The following FSBP variants were observed in gnomAD, a reference collection of about 807,000 sequenced individuals.
FSBP encodes the protein fibrinogen silencer binding protein.
Under a neutral mutation model 24.6 loss-of-function variants are expected in FSBP, and 18 were observed. The ratio of observed to expected loss-of-function variants is 0.73; its 90% confidence interval spans 0.51 to 1.08. The LOEUF (loss-of-function observed/expected upper bound fraction) is 1.08, where lower values mean the gene tolerates loss of function less well. Ranked by LOEUF, FSBP falls within the 50% of genes least tolerant of loss-of-function variation. The probability of loss-of-function intolerance (pLI) is 0.00; values close to 1 mark genes in which losing one functional copy is unlikely to be tolerated. For synonymous variants in FSBP, 110 were observed against 125.8 expected (o/e 0.87, Z 0.84); for missense variants, 305 against 347.6 (o/e 0.88, Z 0.98).
rs867303586 is a variant in FSBP, at chr8:94,430,209, G to A, written c.*1922C>T. 1.5e-5 allele frequency: 10 copies of A among 680,260 alleles called. No individual in the cohort carries two copies. Among genetic ancestry groups the A allele is most frequent in the African/African-American group, 9.8e-5 (5 of 50,964 alleles). 42.1% of individuals were successfully genotyped at this position (680,260 alleles called of 1,614,324 possible). A position where few individuals can be genotyped will look rare whatever the true frequency, so the allele number is the denominator to read the frequency against. ...GCCTGTAGTCCCAGCTACTTGGGAA[G>A]CTGAAGCAGGAGAATCGCTTGAACC... is the stretch of plus-strand genomic sequence containing the variant. On this transcript the variant is annotated 3_prime_UTR_variant, in exon 2 of 2. Transcript: ENST00000481490.
chr8:94,436,440 G>A, intron 1 of FSBP, 55 bp downstream of exon 1: 1 of 1,473,994 alleles, frequency 6.8e-7, no homozygotes, highest in Non-Finnish European at 8.9e-7. Flanking sequence ...CTAAGCCAAA[G>A]CCCAATAGAT....
At position 94,430,183 on chromosome 8, in the gene FSBP, C is replaced by T. The variant is rs937171353; in HGVS notation, c.*1948G>A. ...AAAAAATTAGCCAGGCATGGTGGTG[C>T]GCCTGTAGTCCCAGCTACTTGGGAA... On this transcript the variant is annotated 3_prime_UTR_variant, in exon 2 of 2. Transcript: ENST00000481490. The T allele has an allele frequency of 3.4e-6, 2 of 592,448 alleles. No homozygotes were observed. The highest frequency in any genetic ancestry group is 4.2e-6 in the Non-Finnish European group (2 of 471,608). 36.7% of individuals were successfully genotyped at this position (592,448 alleles called of 1,614,324 possible).
At chr8:94,434,647 GATT>G (rs944862987) in intron 1 of FSBP, among the ~76,000 whole-genome samples, 3 of 151,380 alleles carry the variant, frequency 2.0e-5, no homozygotes, top group African/African-American at 7.3e-5. Flanking sequence ...AAACTTCTGA[GATT>G]ATTAAGATTC....
chr8:94,432,397 T>G lies in FSBP; in HGVS notation c.634A>C (p.Arg212=). 1.3e-6 allele frequency: 2 copies of G among 1,550,402 alleles called. No individual in the cohort carries two copies. Among genetic ancestry groups the G allele is most frequent in the Non-Finnish European group, 1.7e-6 (2 of 1,146,882 alleles). ...TCATGCCGAAAAAAATCATCTCTCCTTGGAATAGAAGATGGAGACGATGTC... is the reference window on the plus strand; with the variant it reads ...TCATGCCGAAAAAAATCATCTCTCCGTGGAATAGAAGATGGAGACGATGTC... ...RMTSSPSSIP[R]RDDFFRHESG... is the part of the protein sequence containing the mutation. Residue 212 remains arginine (R), a synonymous_variant, in exon 2 of 2, where the codon AGG becomes CGG. Coordinates refer to ENST00000481490, the MANE Select transcript of FSBP (RefSeq NM_001256141.2).
At position 94,428,750 on chromosome 8, in the gene FSBP, G is replaced by A. The variant is rs1042475939; in HGVS notation, c.*3381C>T. ...GCCAAGTGTACATTCCATTGTACTAGCAAACTTTCCCCTATATATTCCCCT... is the reference window on the plus strand; with the variant it reads ...GCCAAGTGTACATTCCATTGTACTAACAAACTTTCCCCTATATATTCCCCT... On this transcript the variant is annotated 3_prime_UTR_variant, in exon 2 of 2. Coordinates refer to ENST00000481490, the MANE Select transcript of FSBP (RefSeq NM_001256141.2). 1.0e-6 allele frequency: 1 copy of A among 984,848 alleles called. No homozygotes were observed. The highest frequency in any genetic ancestry group is 6.2e-5 in the Admixed American group (1 of 16,256). 61.0% of individuals were successfully genotyped at this position (984,848 alleles called of 1,614,324 possible). A position where few individuals can be genotyped will look rare whatever the true frequency, so the allele number is the denominator to read the frequency against.
Position 94,436,621 on chromosome 8 carries a change from A to G in FSBP, c.248T>C (p.Leu83Pro). 6.4e-7 allele frequency: 1 copy of G among 1,550,486 alleles called. No individual in the cohort carries two copies. The highest frequency in any genetic ancestry group is 8.7e-7 in the Non-Finnish European group (1 of 1,146,930). The change falls in exon 1 of 2, where the codon CTA (leucine) becomes CCA (proline). Residue 83 changes from leucine (L) to proline (P), a missense_variant. Physicochemically the swap from Leu to Pro is moderately conservative, Grantham distance 98. Coordinates refer to ENST00000481490, the MANE Select transcript of FSBP (RefSeq NM_001256141.2). Reference protein sequence around the residue: ...KRLKEYAKQELLQQKETQSDF... With the variant: ...KRLKEYAKQEPLQQKETQSDF... ...TGATTGGGTCTCTTTTTGCTGCAATAGCTCCTGTTTGGCATATTCTTTGAG... is the reference window on the plus strand; with the variant it reads ...TGATTGGGTCTCTTTTTGCTGCAATGGCTCCTGTTTGGCATATTCTTTGAG...
At position 94,429,091 on chromosome 8, in the gene FSBP, T is replaced by C. The variant is rs989664926; in HGVS notation, c.*3040A>G. 9 of 985,246 alleles carry C rather than the reference T, an allele frequency of 9.1e-6. No individual in the cohort carries two copies. The highest frequency in any genetic ancestry group is 1.1e-5 in the Non-Finnish European group (9 of 829,874). 61.0% of individuals were successfully genotyped at this position (985,246 alleles called of 1,614,324 possible). A position where few individuals can be genotyped will look rare whatever the true frequency, so the allele number is the denominator to read the frequency against. On this transcript the variant is annotated 3_prime_UTR_variant, in exon 2 of 2. Transcript: ENST00000481490. ...AAGACTGACTTGGAGAAAAACAAGA[T>C]TGACTTGGAAAAGTTGCTGCAGTAA...
rs1324051141 is a variant in FSBP, at chr8:94,432,080, A to C, written c.*51T>G. 6.7e-7 allele frequency: 1 copy of C among 1,487,376 alleles called. No individual in the cohort carries two copies. Among genetic ancestry groups the C allele is most frequent in the Non-Finnish European group, 8.9e-7 (1 of 1,122,196 alleles). The allele number at this position is 1,487,376 out of a possible 1,614,324, so 92.1% of individuals were successfully genotyped here. ...CTGTTTCAGGATATTCCCAAATTAA[A>C]GTAATTTGGCCAAAATCAAAATTAT... On this transcript the variant is annotated 3_prime_UTR_variant, in exon 2 of 2. Transcript: ENST00000481490.
At chr8:94,435,536 G>A (rs757776909) in intron 1 of FSBP, among the ~76,000 whole-genome samples, 8 of 151,980 alleles carry the variant, frequency 5.3e-5, no homozygotes, top group African/African-American at 1.7e-4. Flanking sequence ...AACTAACAAG[G>A]AGTTTACAAT....
intron 1 of FSBP, among the ~76,000 whole-genome samples, chr8:94,436,001 ATT>A (rs1812247514): frequency 6.6e-6 from 1 of 152,086 alleles, no homozygotes; most frequent in African/African-American, 2.4e-5. Flanking sequence ...TTACTTATTG[ATT>A]TTGTTTATAT....
Position 94,431,289 on chromosome 8 carries a change from T to C in FSBP, c.*842A>G, listed in dbSNP as rs910289228. ...CATTCAAAATGAATTAAGACATGTC[T>C]TTAAATCACACAGCCAAAATATATA... On this transcript the variant is annotated 3_prime_UTR_variant, in exon 2 of 2. Coordinates refer to ENST00000481490, the MANE Select transcript of FSBP (RefSeq NM_001256141.2). 7 of 976,288 alleles carry C rather than the reference T, an allele frequency of 7.2e-6. No individual in the cohort carries two copies. The African/African-American group carries it at 1.2e-4, about 17-fold the overall frequency. The allele number at this position is 976,288 out of a possible 1,614,324, so 60.5% of individuals were successfully genotyped here.
chr8:94,428,965 G>A lies in FSBP; in HGVS notation c.*3166C>T, dbSNP rs1306092920. ...CAAATAAATAATTTTCTTTATACAGGAATTCTCATAAACTATACTATGTTA... is the reference window on the plus strand; with the variant it reads ...CAAATAAATAATTTTCTTTATACAGAAATTCTCATAAACTATACTATGTTA... On this transcript the variant is annotated 3_prime_UTR_variant, in exon 2 of 2. Transcript: ENST00000481490. 1.0e-6 allele frequency: 1 copy of A among 982,464 alleles called. No homozygotes were observed. The highest frequency in any genetic ancestry group is 1.7e-5 in the African/African-American group (1 of 57,150). 60.9% of individuals were successfully genotyped at this position (982,464 alleles called of 1,614,324 possible).
rs1434863221 is a variant in FSBP at position 94,429,308 on chromosome 8, G to A, written c.*2823C>T. 6.9e-6 allele frequency: 3 copies of A among 436,482 alleles called. No individual in the cohort carries two copies. Among genetic ancestry groups the A allele is most frequent in the Non-Finnish European group, 9.1e-6 (3 of 328,892 alleles). The allele number at this position is 436,482 out of a possible 1,614,324, so 27.0% of individuals were successfully genotyped here. The stretch of plus-strand genomic sequence containing the variant: ...TTATGGGCAGCAAAGGAATTTTCAA[G>A]GGCTATTTTGTATATACATAATTTT... On this transcript the variant is annotated 3_prime_UTR_variant, in exon 2 of 2. Transcript: ENST00000481490.
chr8:94,430,051 A>C lies in FSBP; in HGVS notation c.*2080T>G, dbSNP rs1812048672. On this transcript the variant is annotated 3_prime_UTR_variant, in exon 2 of 2. Transcript: ENST00000481490. The stretch of plus-strand genomic sequence containing the variant: ...TATTTAGGCTGGGCACGGTGGCTCA[A>C]GCCTGTAATCCCAGCACTTTGGGAG... 1 of 983,528 alleles carries C rather than the reference A, an allele frequency of 1.0e-6. No individual in the cohort carries two copies. Among genetic ancestry groups the C allele is most frequent in the Non-Finnish European group, 1.2e-6 (1 of 828,368 alleles). The allele number at this position is 983,528 out of a possible 1,614,324, so 60.9% of individuals were successfully genotyped here.
chr8:94,430,662 C>A lies in FSBP; in HGVS notation c.*1469G>T. 1.4e-6 allele frequency: 1 copy of A among 722,250 alleles called. No individual in the cohort carries two copies. The highest frequency in any genetic ancestry group is 1.7e-6 in the Non-Finnish European group (1 of 589,950). The allele number at this position is 722,250 out of a possible 1,614,324, so 44.7% of individuals were successfully genotyped here. ...TACTCCAAAGGCCACAAAGTGGAAG[C>A]CCAATGGCTCAGTGAGGCCCACTCA... On this transcript the variant is annotated 3_prime_UTR_variant, in exon 2 of 2. Coordinates refer to ENST00000481490, the MANE Select transcript of FSBP (RefSeq NM_001256141.2).
chr8:94,435,688 C>T (rs576313946), intron 1 of FSBP, among the ~76,000 whole-genome samples: 2 of 152,048 alleles, frequency 1.3e-5, no homozygotes, highest in South Asian at 4.2e-4. Context: ...ACAAGTTTAA[C>T]CAAAAAATTG....
At chr8:94,432,779 T>A in intron 1 of FSBP, 123 bp from the exon 2 acceptor site, 1 of 1,234,638 alleles carries the variant, frequency 8.1e-7, no homozygotes, top group Non-Finnish European at 1.0e-6. Context: ...AGTTACAAAA[T>A]AAAAAAAAAT....
In FSBP at chr8:94,430,897, A is replaced by G; in HGVS notation, c.*1234T>C. On this transcript the variant is annotated 3_prime_UTR_variant, in exon 2 of 2. Transcript: ENST00000481490. ...GCCCAAATTGACTCTCTCTACATTC[A>G]CTTAAAATCAATGGCTTAGCACTGC... 1 of 985,336 alleles carries G rather than the reference A, an allele frequency of 1.0e-6. No individual in the cohort carries two copies. The highest frequency in any genetic ancestry group is 1.2e-6 in the Non-Finnish European group (1 of 829,904). 61.0% of individuals were successfully genotyped at this position (985,336 alleles called of 1,614,324 possible). A position where few individuals can be genotyped will look rare whatever the true frequency, so the allele number is the denominator to read the frequency against.
rs893841317 is a variant in FSBP, at chr8:94,428,017, G to A, written c.*4114C>T. The A allele has an allele frequency of 1.9e-5, 18 of 932,868 alleles. No individual in the cohort carries two copies. The African/African-American group carries it at 2.3e-4, about 12-fold the overall frequency. 57.8% of individuals were successfully genotyped at this position (932,868 alleles called of 1,614,324 possible). On this transcript the variant is annotated 3_prime_UTR_variant, in exon 2 of 2. Transcript: ENST00000481490. The stretch of plus-strand genomic sequence containing the variant: ...GACTATTTTAAGAAATCTGGTATTC[G>A]TTAGAAATGAGTTTCACTGACTTTT...
Sources: allele counts gnomAD v4.1 joint callset (sites outside exome capture counted in the v4.1 genomes callset), GRCh38; gene constraint gnomAD v4.1.1; transcripts MANE v1.5; gene names NCBI Gene and HGNC (gene_info 2026-07-23, HGNC 2026-07-21).